The following DLG2 variants were observed in gnomAD, a reference collection of about 807,000 sequenced individuals.
DLG2 encodes disks large homolog 2.
DLG2 carries 45 observed loss-of-function variants against 132.5 expected under a neutral mutation model. That is an observed-to-expected ratio of 0.34 (90% confidence interval 0.27 to 0.44). DLG2 has a LOEUF of 0.44. Among genes scored for constraint, DLG2 ranks in the 20% least tolerant of loss-of-function variants. The pLI is 1.00. For missense variants in DLG2, 1,045 were observed against 1,196.9 expected, an observed-to-expected ratio of 0.87 and a Z score of 1.87; for synonymous variants, 424 against 419.6, an observed-to-expected ratio of 1.01 and a Z score of -0.13.
intron 6 of DLG2, among the ~76,000 whole-genome samples, chr11:85,010,047 A>G (rs1012353098): frequency 6.6e-6 from 1 of 152,122 alleles, no homozygotes; most frequent in Non-Finnish European, 1.5e-5. Context: ...TGTGTAGGCA[A>G]TAAGTACAAG....
intron 5 of DLG2, among the ~76,000 whole-genome samples, chr11:85,126,665 C>A (rs943730423): frequency 6.6e-6 from 1 of 151,992 alleles, no homozygotes; most frequent in Non-Finnish European, 1.5e-5. Flanking sequence ...TGCCACCTTG[C>A]AGACATTTGG....
chr11:85,009,951 A>G (rs1251173189), intron 6 of DLG2, among the ~76,000 whole-genome samples: 1 of 152,122 alleles, frequency 6.6e-6, no homozygotes, highest in Non-Finnish European at 1.5e-5. Flanking sequence ...CTTTGTACAC[A>G]TGTAGGTTGC....
At position 84,661,857 on chromosome 11, in the gene DLG2, G is replaced by A. The variant is rs1200312822; in HGVS notation, c.358-127126C>T. Among the ~76,000 whole-genome samples the A allele has an allele frequency of 2.6e-5, 4 of 152,122 alleles. No homozygotes were observed. In the South Asian group the frequency reaches 6.2e-4, roughly 24 times the overall value. On this transcript the variant is annotated intron_variant, in intron 6 of 27. Coordinates refer to ENST00000376104, the MANE Select transcript of DLG2 (RefSeq NM_001142699.3). ...ATATAAATGTTTATATATTGACCAC[G>A]TAATGCAGATCCAGAGACAACTCAT...
chr11:84,360,873 T>C (rs543583203), intron 7 of DLG2, among the ~76,000 whole-genome samples: 1 of 151,996 alleles, frequency 6.6e-6, no homozygotes, highest in East Asian at 1.9e-4. Flanking sequence ...TTTACATATG[T>C]AAAAATGTAT....
intron 7 of DLG2, among the ~76,000 whole-genome samples, chr11:84,328,883 T>C (rs1164541057): frequency 6.6e-6 from 1 of 152,218 alleles, no homozygotes. Flanking sequence ...TGGGCTTATA[T>C]CATTTTGCTT....
At chr11:84,483,199 G>A (rs982669278) in intron 7 of DLG2, among the ~76,000 whole-genome samples, 3 of 152,032 alleles carry the variant, frequency 2.0e-5, no homozygotes, top group African/African-American at 4.8e-5. Flanking sequence ...TTGGGAGGCC[G>A]AGGCGGGCTC....
At chr11:84,521,160 A>T (rs1219085051) in intron 7 of DLG2, among the ~76,000 whole-genome samples, 2 of 152,180 alleles carry the variant, frequency 1.3e-5, no homozygotes, top group Admixed American at 1.3e-4. Flanking sequence ...AGTTGGAGAG[A>T]TTTGGGATGA....
At chr11:84,416,381 T>A (rs1161126227) in intron 7 of DLG2, among the ~76,000 whole-genome samples, 1 of 152,002 alleles carries the variant, frequency 6.6e-6, no homozygotes, top group Non-Finnish European at 1.5e-5. Context: ...GCAAAACTGA[T>A]TTTTTTTCCT....
At chr11:83,546,164 A>T (rs1358676798) in intron 19 of DLG2, among the ~76,000 whole-genome samples, 1 of 152,116 alleles carries the variant, frequency 6.6e-6, no homozygotes, top group Non-Finnish European at 1.5e-5. Context: ...GCAGCTGCTC[A>T]TCCTCATGAC....
intron 6 of DLG2, among the ~76,000 whole-genome samples, chr11:85,018,419 A>G (rs987777001): frequency 2.6e-5 from 4 of 151,914 alleles, no homozygotes; most frequent in African/African-American, 9.7e-5. Context: ...TCTGTCTGAC[A>G]TATGTTTTGA....
intron 6 of DLG2, among the ~76,000 whole-genome samples, chr11:84,835,369 G>A (rs979454435): frequency 2.0e-5 from 3 of 151,608 alleles, no homozygotes; most frequent in African/African-American, 4.8e-5. Flanking sequence ...GCAAATTTGG[G>A]TAACTCATTT....
chr11:84,284,664 C>T lies in DLG2; in HGVS notation c.520-33373G>A, dbSNP rs117826692. On this transcript the variant is annotated intron_variant, in intron 7 of 27. Transcript: ENST00000376104. The stretch of plus-strand genomic sequence containing the variant: ...AAGCCAGGACTAACCTAGATAGAAC[C>T]GTGAGGCAGATGAAGTGTGTCTTCA... Among the ~76,000 whole-genome samples, 44 of 152,270 alleles carry T rather than the reference C, an allele frequency of 2.9e-4. No homozygotes were observed. The East Asian group carries it at 7.3e-3, about 25-fold the overall frequency.
intron 18 of DLG2, among the ~76,000 whole-genome samples, chr11:83,640,807 C>T (rs1386443498): frequency 2.0e-5 from 3 of 152,164 alleles, no homozygotes; most frequent in Non-Finnish European, 4.4e-5. Context: ...GACGCTAATA[C>T]AGTCAGTTCC....
intron 10 of DLG2, among the ~76,000 whole-genome samples, chr11:84,085,385 A>G (rs933082669): frequency 2.6e-5 from 4 of 152,194 alleles, no homozygotes; most frequent in Non-Finnish European, 5.9e-5. Flanking sequence ...ATAAATAAAA[A>G]CAAATGCCTT....
At chr11:83,875,290 A>G (rs2064476422) in intron 15 of DLG2, among the ~76,000 whole-genome samples, 1 of 152,130 alleles carries the variant, frequency 6.6e-6, no homozygotes, top group African/African-American at 2.4e-5. Flanking sequence ...ATAATATCTA[A>G]CATTTATTGA....
chr11:83,961,365 T>C (rs1343564883), intron 14 of DLG2, among the ~76,000 whole-genome samples: 1 of 152,048 alleles, frequency 6.6e-6, no homozygotes, highest in Admixed American at 6.6e-5. Flanking sequence ...ATGATGAACA[T>C]AGTTTTATAT....
intron 6 of DLG2, among the ~76,000 whole-genome samples, chr11:84,774,916 A>G (rs1315432130): frequency 6.6e-6 from 1 of 152,184 alleles, no homozygotes; most frequent in African/African-American, 2.4e-5. Flanking sequence ...ACCGCAATAA[A>G]AAGAAAAATT....
chr11:85,316,445 G>C (rs1311071879), intron 3 of DLG2, among the ~76,000 whole-genome samples: 1 of 151,844 alleles, frequency 6.6e-6, no homozygotes. Context: ...GAGCCATATT[G>C]GGATTAATAT....
chr11:84,418,303 G>A lies in DLG2; in HGVS notation c.519+116267C>T, dbSNP rs533589714. ...TAGTTTAGTTCTATGAACACATAGG[G>A]GCTGAAAAGTCCCAATGTGAAGTGA... is the stretch of plus-strand genomic sequence containing the variant. On this transcript the variant is annotated intron_variant, in intron 7 of 27. Transcript: ENST00000376104. 2.0e-5 allele frequency among the ~76,000 whole-genome samples: 3 copies of A among 152,212 alleles called. No homozygotes were observed. The East Asian group carries it at 5.8e-4, about 29-fold the overall frequency.
Sources: allele counts gnomAD v4.1 joint callset (sites outside exome capture counted in the v4.1 genomes callset), GRCh38; gene constraint gnomAD v4.1.1; transcripts MANE v1.5; gene names NCBI Gene and HGNC (gene_info 2026-07-23, HGNC 2026-07-21).